The following ZNF341 variants were observed in gnomAD, a reference collection of about 807,000 sequenced individuals.
ZNF341 encodes the protein zinc finger protein 341.
In ZNF341, 52 loss-of-function variants were observed where a neutral mutation model predicts 87.7. The observed-to-expected ratio is 0.59, with a 90% CI of 0.47 to 0.75. The LOEUF (loss-of-function observed/expected upper bound fraction) is 0.75, where lower values mean the gene tolerates loss of function less well. Ranked by LOEUF, ZNF341 falls within the 30% of genes least tolerant of loss-of-function variation. ZNF341 has a pLI of 0.00. For missense variants in ZNF341, 977 were observed against 1,145.9 expected (o/e 0.85, Z 2.13); for synonymous variants, 459 against 472.7 (o/e 0.97, Z 0.38).
At chr20:33,738,800 G>C (rs1053276044) in intron 1 of ZNF341, among the ~76,000 whole-genome samples, 1 of 152,092 alleles carries the variant, frequency 6.6e-6, no homozygotes, top group East Asian at 1.9e-4. Context: ...AGCTGTGGAT[G>C]GTTCCCAGGC....
chr20:33,784,564 C>T (rs781253593), intron 12 of ZNF341, among the ~76,000 whole-genome samples: 17 of 146,930 alleles, frequency 1.2e-4, no homozygotes, highest in Non-Finnish European at 2.4e-4. Context: ...TTCCCACCAC[C>T]GCTAAAGCAG....
chr20:33,742,120 T>A (rs2018815147), intron 2 of ZNF341, among the ~76,000 whole-genome samples: 1 of 152,230 alleles, frequency 6.6e-6, no homozygotes, highest in Non-Finnish European at 1.5e-5. Flanking sequence ...CCGGGATGGC[T>A]GCTCTAGCTC....
chr20:33,743,234 G>A (rs2018845155), intron 2 of ZNF341, among the ~76,000 whole-genome samples: 1 of 151,772 alleles, frequency 6.6e-6, no homozygotes, highest in African/African-American at 2.4e-5. Flanking sequence ...GTTTCGCCAT[G>A]TTGGCCAGGC....
chr20:33,752,663 T>C, intron 4 of ZNF341: 1 of 249,156 alleles, frequency 4.0e-6, no homozygotes, highest in Non-Finnish European at 7.8e-6. Context: ...TTTTTTTTTT[T>C]TTTTTTTGAG....
At position 33,791,829 on chromosome 20, in the gene ZNF341, G is replaced by C; in HGVS notation, c.*312G>C. 1 of 329,508 alleles carries C rather than the reference G, an allele frequency of 3.0e-6. No individual in the cohort carries two copies. Among genetic ancestry groups the C allele is most frequent in the Admixed American group, 4.5e-5 (1 of 22,364 alleles). 20.4% of individuals were successfully genotyped at this position (329,508 alleles called of 1,614,324 possible). ...CCGCTGGTCTAGGCTGGTGGTCGGG[G>C]CCCCTGGGAGAGGAGACAGGGCATT... On this transcript the variant is annotated 3_prime_UTR_variant, in exon 15 of 15. Transcript: ENST00000375200.
In ZNF341 at chr20:33,745,180, G is replaced by A; in HGVS notation, c.220G>A (p.Glu74Lys). The change falls in exon 3 of 15, where the codon GAA becomes AAA. Residue 74 changes from glutamate (E) to lysine (K), a missense_variant. Transcript: ENST00000375200. ...SLPAFMTHKR[E>K]QCQGNAPALA... ...GCCAGCGTTTATGACCCACAAGCGG[G>A]AACAGTGCCAGGGGAATGCCCCCGC... 6.2e-7 allele frequency: 1 copy of A among 1,614,130 alleles called. No individual in the cohort carries two copies. Among genetic ancestry groups the A allele is most frequent in the South Asian group, 1.1e-5 (1 of 91,086 alleles).
At position 33,750,385 on chromosome 20, in the gene ZNF341, CT is replaced by C. The variant is rs200686452; in HGVS notation, c.489+1322del. Among the ~76,000 whole-genome samples, 651 of 151,750 alleles carry C rather than the reference CT, an allele frequency of 4.3e-3. 6 individuals are homozygous for C. Among genetic ancestry groups the C allele is most frequent in the African/African-American group, 0.015 (610 of 41,392 alleles). On this transcript the variant is annotated intron_variant, in intron 4 of 14. Coordinates refer to ENST00000375200, the MANE Select transcript of ZNF341 (RefSeq NM_001282933.2). ...ATCCTTTTGATTTTCTCAACCGAGACTTTTTTTTTCCCTGTTTGGGAACCCA... is the reference window on the plus strand; with the variant it reads ...ATCCTTTTGATTTTCTCAACCGAGACTTTTTTTTCCCTGTTTGGGAACCCA...
intron 10 of ZNF341, among the ~76,000 whole-genome samples, chr20:33,780,945 C>G (rs964733288): frequency 6.6e-6 from 1 of 152,106 alleles, no homozygotes; most frequent in Non-Finnish European, 1.5e-5. Context: ...TGGTCTCAAA[C>G]AATCCTCTCA....
intron 6 of ZNF341, 148 bp from the exon 7 acceptor site, chr20:33,758,568 C>T (rs1245990894): frequency 4.9e-6 from 3 of 610,742 alleles, no homozygotes; most frequent in African/African-American, 3.7e-5. Flanking sequence ...CTGTGAAGCT[C>T]TCCCATGTCT....
chr20:33,732,054 T>A lies in ZNF341; in HGVS notation c.31+2T>A. 1 of 1,289,982 alleles carries A rather than the reference T, an allele frequency of 7.8e-7. No individual in the cohort carries two copies. The highest frequency in any genetic ancestry group is 9.9e-7 in the Non-Finnish European group (1 of 1,013,590). The allele number at this position is 1,289,982 out of a possible 1,614,324, so 79.9% of individuals were successfully genotyped here. Reference sequence around the variant, plus strand: ...AGGCGATCTTTGAGGCCCTGGAGGGTGAGCGGCGGCGGGGCCGGCGGAGGC... The same window carrying A: ...AGGCGATCTTTGAGGCCCTGGAGGGAGAGCGGCGGCGGGGCCGGCGGAGGC... On this transcript the variant is annotated splice_donor_variant, in intron 1 of 14. Transcript: ENST00000375200. LOFTEE classifies it high-confidence loss of function. This position sits in a 1 kb window ranked among gnomAD's most constrained non-coding sequence, Gnocchi z 4.5.
At chr20:33,748,512 G>A (rs1488665693) in intron 3 of ZNF341, among the ~76,000 whole-genome samples, 2 of 151,868 alleles carry the variant, frequency 1.3e-5, no homozygotes, top group East Asian at 1.9e-4. Flanking sequence ...CACCAGCTGC[G>A]TGCAAAACCA....
At position 33,783,847 on chromosome 20, in the gene ZNF341, A is replaced by C. The variant is rs2019793200; in HGVS notation, c.1835A>C (p.His612Pro). ...FFRREHYLKLHAHIHSGEKPY... is the reference protein window; with the variant it reads ...FFRREHYLKLPAHIHSGEKPY... ...CGGCGGGAGCATTATCTCAAACTGC[A>C]TGCTCACATCCACTCGGGTAGGTAC... is the stretch of plus-strand genomic sequence containing the variant. Residue 612 changes from histidine (H) to proline (P), a missense_variant, in exon 12 of 15, where the codon CAT (histidine) becomes CCT (proline). His to Pro is a moderately conservative substitution (Grantham distance 77). This residue lies in a region of ZNF341 where 241 missense variants were observed against 335.0 expected (regional missense o/e 0.72). Coordinates refer to ENST00000375200, the MANE Select transcript of ZNF341 (RefSeq NM_001282933.2). 1 of 1,613,198 alleles carries C rather than the reference A, an allele frequency of 6.2e-7. No individual in the cohort carries two copies. Among genetic ancestry groups the C allele is most frequent in the Non-Finnish European group, 8.5e-7 (1 of 1,179,646 alleles).
rs1234893474 is a variant in ZNF341 at position 33,732,433 on chromosome 20, G to A, written c.31+381G>A. 2.0e-5 allele frequency among the ~76,000 whole-genome samples: 3 copies of A among 152,208 alleles called. No individual in the cohort carries two copies. The highest frequency in any genetic ancestry group is 4.4e-5 in the Non-Finnish European group (3 of 67,984). On this transcript the variant is annotated intron_variant, in intron 1 of 14. Coordinates refer to ENST00000375200, the MANE Select transcript of ZNF341 (RefSeq NM_001282933.2). The surrounding 1 kb of genome is among the most constrained non-coding windows in gnomAD (Gnocchi z 4.5). ...GCGGCGCGCGGGGCCCGGGACGGGG[G>A]TGCGGTCGCAGCTGCGGGCAGGAGG...
At chr20:33,780,798 C>T (rs1204085508) in intron 10 of ZNF341, among the ~76,000 whole-genome samples, 2 of 151,454 alleles carry the variant, frequency 1.3e-5, no homozygotes, top group Admixed American at 6.6e-5. Context: ...CTCACTGTAA[C>T]TTCAAAACCC....
intron 2 of ZNF341, among the ~76,000 whole-genome samples, chr20:33,743,635 G>T (rs1181207135): frequency 1.3e-5 from 2 of 151,962 alleles, no homozygotes; most frequent in East Asian, 1.9e-4. Context: ...GAGCCACCTC[G>T]CCTGGCAACC....
intron 7 of ZNF341, among the ~76,000 whole-genome samples, chr20:33,761,643 A>G (rs2019291181): frequency 6.6e-6 from 1 of 152,188 alleles, no homozygotes; most frequent in South Asian, 2.1e-4. Flanking sequence ...GGGCGGCTCC[A>G]GGGTTTGTTG....
intron 10 of ZNF341, among the ~76,000 whole-genome samples, chr20:33,779,524 C>G (rs2019697818): frequency 6.7e-6 from 1 of 149,250 alleles, no homozygotes; most frequent in Non-Finnish European, 1.5e-5. Flanking sequence ...GATCTCAGCT[C>G]ACTGCATCCT....
At chr20:33,744,849 C>T (rs1003484350) in intron 2 of ZNF341, among the ~76,000 whole-genome samples, 8 of 152,156 alleles carry the variant, frequency 5.3e-5, no homozygotes, top group African/African-American at 1.9e-4. Flanking sequence ...TCCAAGGCCT[C>T]GCAAAGTGCT....
At chr20:33,735,133 C>CGATT (rs1350061508) in intron 1 of ZNF341, among the ~76,000 whole-genome samples, 1 of 151,950 alleles carries the variant, frequency 6.6e-6, no homozygotes, top group East Asian at 1.9e-4. Flanking sequence ...CAGGTTCAAG[C>CGATT]GATTCTCCTG....
Sources: allele counts gnomAD v4.1 joint callset (sites outside exome capture counted in the v4.1 genomes callset), GRCh38; gene constraint gnomAD v4.1.1; regional missense constraint gnomAD v4.1.1; non-coding constraint Gnocchi (gnomAD v3.1); transcripts MANE v1.5; gene names NCBI Gene and HGNC (gene_info 2026-07-23, HGNC 2026-07-21).